STAG2: variants seen among roughly 807,000 people sequenced by gnomAD.
The protein encoded by STAG2 is STAG2 cohesin complex component.
Under a neutral mutation model 108.1 loss-of-function variants are expected in STAG2, and 14 were observed. That is an observed-to-expected ratio of 0.13 (90% CI 0.09 to 0.20). STAG2 has a LOEUF of 0.20. Ranked by LOEUF, STAG2 falls within the 10% of genes least tolerant of loss-of-function variation. The pLI is 1.00. For missense variants in STAG2, 440 were observed against 940.9 expected, an observed-to-expected ratio of 0.47 and a Z score of 6.96; for synonymous variants, 307 against 302.7, an observed-to-expected ratio of 1.01 and a Z score of -0.15.
Position 124,066,370 on chromosome X carries a change from A to G in STAG2, c.2199A>G (p.Ala733=), listed in dbSNP as rs751920873. The G allele has an allele frequency of 1.7e-6, 2 of 1,204,671 alleles. No homozygotes were observed. The highest frequency in any genetic ancestry group is 3.0e-5 in the East Asian group (1 of 33,720). ...TCTTTTTACAGATTGTTATTCACGC[A>G]CTGCAGTGTACTCACTATGTAATCC... ...GDMPEQIVIH[A]LQCTHYVILW... is the part of the protein sequence containing the mutation. The change falls in exon 23 of 35, where the codon GCA becomes GCG. Residue 733 remains alanine (A), a synonymous_variant. Transcript: ENST00000371145.
At chrX:124,019,308 G>A (rs1273036396) in intron 1 of STAG2, among the ~76,000 whole-genome samples, 4 of 110,032 alleles carry the variant, frequency 3.6e-5, no homozygotes, top group Non-Finnish European at 5.7e-5. Context: ...GCCTGCCTTG[G>A]CCTCCCAAAG....
intron 1 of STAG2, among the ~76,000 whole-genome samples, chrX:124,002,339 C>T (rs149136067): frequency 0.011 from 1,243 of 112,052 alleles, 18 homozygotes; most frequent in African/African-American, 0.038. Context: ...TAAAATCTTA[C>T]AATAGTAGAT....
chrX:124,090,336 C>T (rs953681706), intron 30 of STAG2, among the ~76,000 whole-genome samples: 4 of 109,249 alleles, frequency 3.7e-5, no homozygotes, highest in African/African-American at 1.3e-4. Flanking sequence ...GCCCCCATTC[C>T]CCTTATACTT....
chrX:123,987,316 T>A (rs2055239854), intron 1 of STAG2, among the ~76,000 whole-genome samples: 1 of 109,061 alleles, frequency 9.2e-6, no homozygotes, highest in Non-Finnish European at 1.9e-5. Context: ...TGGAGTGATG[T>A]CGGTTCACTG....
At chrX:124,095,173 C>T (rs1414942920) in intron 33 of STAG2, among the ~76,000 whole-genome samples, 199 bp from the exon 34 acceptor site, 8 of 111,978 alleles carry the variant, frequency 7.1e-5, no homozygotes, top group Non-Finnish European at 1.1e-4. Context: ...GTGATCCACC[C>T]GCCTCGGCCT....
At position 124,048,985 on chromosome X, in the gene STAG2, AATG is replaced by A; in HGVS notation, c.820-16_820-14del. 2 of 1,160,538 alleles carry A rather than the reference AATG, an allele frequency of 1.7e-6. No homozygotes were observed. The highest frequency in any genetic ancestry group is 2.4e-6 in the Non-Finnish European group (2 of 850,941). ...TTGTCTTCCTTTACAATTGAAAAGA[AATG>A]ATGTGTTTTTTTACAGCTTCAGGAA... On this transcript the variant is annotated splice_polypyrimidine_tract_variant and intron_variant, in intron 9 of 34. Transcript: ENST00000371145.
At chrX:124,015,669 G>A (rs148018529) in intron 1 of STAG2, among the ~76,000 whole-genome samples, 25 of 111,763 alleles carry the variant, frequency 2.2e-4, no homozygotes, top group Non-Finnish European at 4.1e-4. Context: ...CACCACACCC[G>A]GCCGAATTCT....
At chrX:123,992,439 A>G (rs1456629974) in intron 1 of STAG2, among the ~76,000 whole-genome samples, 3 of 110,355 alleles carry the variant, frequency 2.7e-5, no homozygotes, top group Admixed American at 1.9e-4. Flanking sequence ...TTTTTTTTAA[A>G]TTTCCGTAGC....
chrX:124,087,666 C>T (rs1445724629), intron 30 of STAG2, among the ~76,000 whole-genome samples: 1 of 112,194 alleles, frequency 8.9e-6, no homozygotes, highest in Non-Finnish European at 1.9e-5. Context: ...AAGGCCTGGG[C>T]CCAAAAACTA....
At chrX:123,966,045 G>C (rs1217895287) in intron 1 of STAG2, among the ~76,000 whole-genome samples, 2 of 111,120 alleles carry the variant, frequency 1.8e-5, no homozygotes, top group East Asian at 5.6e-4. Flanking sequence ...CTATATAATG[G>C]AGTACCGTTT....
intron 1 of STAG2, among the ~76,000 whole-genome samples, chrX:124,013,187 T>A: frequency 8.9e-6 from 1 of 111,757 alleles, no homozygotes; most frequent in Non-Finnish European, 1.9e-5. Context: ...ATTGGAAATG[T>A]TGATAGCCAC....
intron 29 of STAG2, among the ~76,000 whole-genome samples, chrX:124,085,927 G>A (rs1410061197): frequency 9.0e-6 from 1 of 111,204 alleles, no homozygotes; most frequent in Admixed American, 9.6e-5. Context: ...GCAAATATTT[G>A]AATTGCACTT....
At position 123,983,974 on chromosome X, in the gene STAG2, C is replaced by CTTTTTTTTTTTTTTTTTTTTT; in HGVS notation, c.-163+22119_-163+22139dup. Among the ~76,000 whole-genome samples, 209 of 61,438 alleles carry CTTTTTTTTTTTTTTTTTTTTT rather than the reference C, an allele frequency of 3.4e-3. 10 individuals carry two copies. Among genetic ancestry groups the CTTTTTTTTTTTTTTTTTTTTT allele is most frequent in the Middle Eastern group, 0.01 (1 of 98 alleles). The allele number at this position is 61,438 out of a possible 115,157, so 53.4% of individuals were successfully genotyped here. On this transcript the variant is annotated intron_variant, in intron 1 of 34. Transcript: ENST00000371145. ...AAAAAGAATAATTTTCTTTTCTTTT[C>CTTTTTTTTTTTTTTTTTTTTT]TTTTTTTTTTTTTTTTTTTTTGAGA...
intron 1 of STAG2, among the ~76,000 whole-genome samples, chrX:124,009,098 T>A (rs2056411152): frequency 8.9e-6 from 1 of 111,774 alleles, no homozygotes; most frequent in Non-Finnish European, 1.9e-5. Flanking sequence ...TTTTTAATAA[T>A]ATATTGCTCT....
chrX:124,040,761 T>C (rs1236830472), intron 6 of STAG2, among the ~76,000 whole-genome samples: 1 of 108,989 alleles, frequency 9.2e-6, no homozygotes, highest in African/African-American at 3.3e-5. Context: ...GTATGAAGTA[T>C]GGGAAGATTT....
intron 7 of STAG2, among the ~76,000 whole-genome samples, chrX:124,043,337 G>A (rs1422612964): frequency 9.1e-6 from 1 of 109,415 alleles, no homozygotes; most frequent in African/African-American, 3.3e-5. Flanking sequence ...GGTGGTGGGC[G>A]GTGTGGGTTT....
At chrX:124,052,476 C>A (rs1409362609) in intron 13 of STAG2, among the ~76,000 whole-genome samples, 3 of 112,461 alleles carry the variant, frequency 2.7e-5, no homozygotes, top group Non-Finnish European at 5.6e-5. Context: ...ATAATTTCTT[C>A]AAGTTTCATA....
rs747123515 is a variant in STAG2 at position 123,968,142 on chromosome X, G to A, written c.-163+6286G>A. 1.8e-4 allele frequency among the ~76,000 whole-genome samples: 20 copies of A among 111,318 alleles called. No individual in the cohort carries two copies. In the East Asian group the frequency reaches 5.4e-3, roughly 30 times the overall value. On this transcript the variant is annotated intron_variant, in intron 1 of 34. Transcript: ENST00000371145. ...TCTCAAACGCCTGACCTCGTGATCC[G>A]CCTGCCTCAGCCTCCCCAAGTGCTG...
At chrX:124,071,086 G>T (rs753758963) in intron 24 of STAG2, 63 bp from the exon 25 acceptor site, 1 of 848,549 alleles carries the variant, frequency 1.2e-6, no homozygotes, top group Non-Finnish European at 1.6e-6. Flanking sequence ...TAAATTATTT[G>T]TGGCAGTTAG....
Sources: allele counts gnomAD v4.1 joint callset (sites outside exome capture counted in the v4.1 genomes callset), GRCh38; gene constraint gnomAD v4.1.1; transcripts MANE v1.5; gene names NCBI Gene and HGNC (gene_info 2026-07-23, HGNC 2026-07-21).